STAG1: variants seen among roughly 807,000 people sequenced by gnomAD.
The protein encoded by STAG1 is STAG1 cohesin complex component.
Under a neutral mutation model 170.9 loss-of-function variants are expected in STAG1, and 26 were observed. The ratio of observed to expected loss-of-function variants is 0.15; its 90% CI spans 0.11 to 0.21. The LOEUF (loss-of-function observed/expected upper bound fraction) is 0.21. STAG1 is among the 10% of genes least tolerant of loss of function. The pLI, the probability that STAG1 is intolerant of heterozygous loss-of-function variation, is 1.00. For synonymous variants in STAG1, 514 were observed against 497.7 expected (o/e 1.03, Z -0.44); for missense variants, 964 against 1,509.5 (o/e 0.64, Z 5.99).
chr3:136,687,684 C>T (rs777993368), intron 1 of STAG1, among the ~76,000 whole-genome samples: 8 of 151,384 alleles, frequency 5.3e-5, no homozygotes, highest in Admixed American at 1.3e-4. Context: ...GACTGGGAAA[C>T]GTGGATTATA....
At chr3:136,356,021 C>T (rs1936638050) in intron 28 of STAG1, among the ~76,000 whole-genome samples, 3 of 151,926 alleles carry the variant, frequency 2.0e-5, no homozygotes, top group South Asian at 4.2e-4. Flanking sequence ...ATCATATTAC[C>T]CCATTTCAGT....
At chr3:136,551,002 TGCAA>T in intron 5 of STAG1, among the ~76,000 whole-genome samples, 1 of 152,240 alleles carries the variant, frequency 6.6e-6, no homozygotes, top group Non-Finnish European at 1.5e-5. Flanking sequence ...AACATCTAGA[TGCAA>T]GTGTTTGTCA....
At chr3:136,687,010 A>T (rs763482476) in intron 1 of STAG1, among the ~76,000 whole-genome samples, 14 of 152,200 alleles carry the variant, frequency 9.2e-5, no homozygotes, top group Non-Finnish European at 1.8e-4. Context: ...AACAACTGGG[A>T]CCATCCAGTT....
At chr3:136,402,607 G>T (rs982217987) in intron 21 of STAG1, among the ~76,000 whole-genome samples, 1 of 150,744 alleles carries the variant, frequency 6.6e-6, no homozygotes, top group Non-Finnish European at 1.5e-5. Context: ...GAGGCGGGTG[G>T]ATCACCTGAG....
intron 4 of STAG1, among the ~76,000 whole-genome samples, chr3:136,597,157 T>C (rs1398336316): frequency 2.0e-5 from 3 of 152,206 alleles, no homozygotes; most frequent in East Asian, 3.8e-4. Context: ...GGATTTTTAT[T>C]TTTTTGTTAG....
intron 22 of STAG1, among the ~76,000 whole-genome samples, chr3:136,379,219 G>A (rs1421444314): frequency 2.6e-5 from 4 of 152,136 alleles, no homozygotes; most frequent in Non-Finnish European, 4.4e-5. Context: ...ACAGATAAGA[G>A]AACAGGCAAC....
intron 9 of STAG1, chr3:136,499,898 A>G (rs913408420): frequency 6.3e-5 from 11 of 173,928 alleles, no homozygotes; most frequent in African/African-American, 2.4e-4. Flanking sequence ...TAGGGCACTT[A>G]ATTTTTTAAA....
At chr3:136,693,323 TC>T (rs1378975651) in intron 1 of STAG1, among the ~76,000 whole-genome samples, 1 of 152,186 alleles carries the variant, frequency 6.6e-6, no homozygotes, top group African/African-American at 2.4e-5. Context: ...ATATGGTTGC[TC>T]CTGTGTCTAC....
intron 7 of STAG1, among the ~76,000 whole-genome samples, chr3:136,509,894 T>C (rs1444092783): frequency 6.6e-6 from 1 of 152,240 alleles, no homozygotes; most frequent in Non-Finnish European, 1.5e-5. Flanking sequence ...CTTGGAAATA[T>C]GTCTGATATA....
At chr3:136,563,647 CA>C (rs772716937) in intron 5 of STAG1, among the ~76,000 whole-genome samples, 2,597 of 97,934 alleles carry the variant, frequency 0.027, 38 homozygotes, top group Non-Finnish European at 0.041. Flanking sequence ...TTCTTTCTTA[CA>C]AAAAAAAAAA....
chr3:136,465,443 A>T (rs1323239985), intron 12 of STAG1, among the ~76,000 whole-genome samples: 1 of 150,562 alleles, frequency 6.6e-6, no homozygotes, highest in Non-Finnish European at 1.5e-5. Context: ...CTGTTCTCTA[A>T]CTCCTGATCT....
intron 2 of STAG1, among the ~76,000 whole-genome samples, chr3:136,623,669 A>T (rs761138629): frequency 7.2e-5 from 11 of 152,298 alleles, no homozygotes; most frequent in Non-Finnish European, 1.0e-4. Context: ...GTATTAAGAC[A>T]TACGGCCGGG....
chr3:136,700,562 G>C (rs945301888), intron 1 of STAG1, among the ~76,000 whole-genome samples: 1 of 151,786 alleles, frequency 6.6e-6, no homozygotes, highest in Non-Finnish European at 1.5e-5. Flanking sequence ...TGGGATTACA[G>C]GTGCCCGCTA....
rs765910839 is a variant in STAG1, at chr3:136,653,937, C to T, written c.-83-22956G>A. Among the ~76,000 whole-genome samples the T allele has an allele frequency of 2.0e-5, 3 of 152,070 alleles. No individual in the cohort carries two copies. The East Asian group carries it at 5.8e-4, about 29-fold the overall frequency. On this transcript the variant is annotated intron_variant, in intron 1 of 33. Transcript: ENST00000383202. ...AGAAAAGGTATGAGAGAATTCAATACCCCTGCATAACAAGAACACTAAGCA... is the reference window on the plus strand; with the variant it reads ...AGAAAAGGTATGAGAGAATTCAATATCCCTGCATAACAAGAACACTAAGCA...
At chr3:136,681,344 A>G (rs1399817966) in intron 1 of STAG1, among the ~76,000 whole-genome samples, 1 of 152,204 alleles carries the variant, frequency 6.6e-6, no homozygotes, top group Non-Finnish European at 1.5e-5. Context: ...TAGAATTGAA[A>G]ACTGTATTAA....
At chr3:136,438,869 T>C (rs1010175490) in intron 15 of STAG1, among the ~76,000 whole-genome samples, 15 of 152,076 alleles carry the variant, frequency 9.9e-5, no homozygotes, top group Non-Finnish European at 2.9e-5. Flanking sequence ...TTACAGAATG[T>C]TAGCACTAGA....
intron 1 of STAG1, among the ~76,000 whole-genome samples, chr3:136,733,334 C>T (rs770068770): frequency 3.9e-5 from 6 of 152,076 alleles, no homozygotes; most frequent in Non-Finnish European, 8.8e-5. Flanking sequence ...GATCCACCCA[C>T]CTCAGCGTCC....
intron 7 of STAG1, among the ~76,000 whole-genome samples, chr3:136,517,821 T>C (rs1205249397): frequency 1.3e-5 from 2 of 152,004 alleles, no homozygotes; most frequent in Non-Finnish European, 2.9e-5. Flanking sequence ...TGAAGATCAA[T>C]AGTTAATGAA....
chr3:136,662,394 C>T (rs1207297051), intron 1 of STAG1, among the ~76,000 whole-genome samples: 1 of 152,106 alleles, frequency 6.6e-6, no homozygotes, highest in Non-Finnish European at 1.5e-5. Flanking sequence ...TCAAGTGATC[C>T]ACCTGCCTCG....
Sources: allele counts gnomAD v4.1 joint callset (sites outside exome capture counted in the v4.1 genomes callset), GRCh38; gene constraint gnomAD v4.1.1; transcripts MANE v1.5; gene names NCBI Gene and HGNC (gene_info 2026-07-23, HGNC 2026-07-21).